Variants in GSK3B observed in about 807,000 individuals in gnomAD.
GSK3B encodes glycogen synthase kinase 3 beta, also known as glycogen synthase kinase-3 beta.
In GSK3B, 15 loss-of-function variants were observed where a neutral mutation model predicts 56.4. The ratio of observed to expected loss-of-function variants is 0.27; its 90% CI spans 0.18 to 0.41. The LOEUF is 0.41. GSK3B is among the 10% of genes least tolerant of loss of function. The probability of loss-of-function intolerance (pLI) is 1.00; values close to 1 mark genes in which losing one functional copy is unlikely to be tolerated. For synonymous variants in GSK3B, 181 were observed against 188.9 expected (o/e 0.96, Z 0.34); for missense variants, 300 against 513.4 (o/e 0.58, Z 4.02).
At chr3:120,029,015 C>A in intron 1 of GSK3B, 1 of 637,204 alleles carries the variant, frequency 1.6e-6, no homozygotes. Flanking sequence ...TCTTTGTATC[C>A]TATAGGGACT....
In GSK3B at chr3:119,857,002, A is replaced by G. The variant is rs568834169; in HGVS notation, c.1096+6417T>C. On this transcript the variant is annotated intron_variant, in intron 9 of 10. Coordinates refer to ENST00000264235, the MANE Select transcript of GSK3B (RefSeq NM_001146156.2). ...CATGTAAGTGATGAGTTTACCCTAC[A>G]CTATCGTCTATTAAGTGGGCAATAA... is the stretch of plus-strand genomic sequence containing the variant. Among the ~76,000 whole-genome samples, 12 of 152,302 alleles carry G rather than the reference A, an allele frequency of 7.9e-5. No individual in the cohort carries two copies. In the South Asian group the frequency reaches 2.1e-3, roughly 26 times the overall value.
intron 7 of GSK3B, among the ~76,000 whole-genome samples, chr3:119,879,241 C>T (rs1180518528): frequency 2.0e-5 from 3 of 152,090 alleles, no homozygotes; most frequent in African/African-American, 4.8e-5. Context: ...AGTGCAGTGG[C>T]GTGATCTCAG....
intron 8 of GSK3B, among the ~76,000 whole-genome samples, chr3:119,865,702 C>T (rs2056173966): frequency 1.3e-5 from 2 of 151,626 alleles, no homozygotes; most frequent in South Asian, 2.1e-4. Context: ...ATCTCCTGAC[C>T]TCATGATCCG....
chr3:119,912,383 A>T (rs1463092304), intron 6 of GSK3B, among the ~76,000 whole-genome samples: 2 of 152,116 alleles, frequency 1.3e-5, no homozygotes, highest in Non-Finnish European at 2.9e-5. Flanking sequence ...ATGTTGCAAT[A>T]ATTACCAAAA....
chr3:120,068,614 C>A (rs1245596154), intron 1 of GSK3B, among the ~76,000 whole-genome samples: 3 of 140,692 alleles, frequency 2.1e-5, no homozygotes, highest in Admixed American at 7.1e-5. Context: ...GCAGAAGAAT[C>A]ACTTGAATCC....
At position 120,024,580 on chromosome 3, in the gene GSK3B, G is replaced by A. The variant is rs144989095; in HGVS notation, c.89-22341C>T. ...CCCACTGGGTAAAGTGCCTGAATAT[G>A]TTCATCTAAGTATTTATCAAAACAA... On this transcript the variant is annotated intron_variant, in intron 1 of 10. Transcript: ENST00000264235. 1.1e-3 allele frequency among the ~76,000 whole-genome samples: 166 copies of A among 152,210 alleles called. 3 individuals are homozygous for A. Among genetic ancestry groups the A allele is most frequent in the Admixed American group, 9.2e-3 (141 of 15,286 alleles).
intron 7 of GSK3B, among the ~76,000 whole-genome samples, chr3:119,880,292 T>C (rs1457154404): frequency 1.3e-5 from 2 of 152,226 alleles, no homozygotes; most frequent in Non-Finnish European, 2.9e-5. Context: ...TATTCAGATC[T>C]TTTGTCCATT....
At chr3:119,932,534 T>C (rs2107475798) in intron 3 of GSK3B, among the ~76,000 whole-genome samples, 1 of 146,316 alleles carries the variant, frequency 6.8e-6, no homozygotes, top group Middle Eastern at 3.5e-3. Flanking sequence ...AAATAATAAA[T>C]GTGCCAGAAG....
At chr3:119,985,110 T>C (rs904164960) in intron 2 of GSK3B, among the ~76,000 whole-genome samples, 6 of 152,176 alleles carry the variant, frequency 3.9e-5, no homozygotes, top group Non-Finnish European at 7.4e-5. Flanking sequence ...TCTCAATAGA[T>C]GCAGAAAAGG....
intron 2 of GSK3B, among the ~76,000 whole-genome samples, chr3:120,000,818 T>C (rs945153576): frequency 5.5e-5 from 4 of 72,772 alleles, no homozygotes; most frequent in South Asian, 4.2e-4. Context: ...AAAGGGAAGA[T>C]AGCAAAAAAA....
At chr3:120,032,599 C>T (rs980649545) in intron 1 of GSK3B, among the ~76,000 whole-genome samples, 3 of 152,022 alleles carry the variant, frequency 2.0e-5, no homozygotes, top group Admixed American at 2.0e-4. Context: ...GGATCACTGG[C>T]GCCCAAGAGT....
chr3:119,932,592 A>G (rs922898036), intron 3 of GSK3B, among the ~76,000 whole-genome samples: 1 of 151,896 alleles, frequency 6.6e-6, no homozygotes, highest in Non-Finnish European at 1.5e-5. Flanking sequence ...GAGCTAAGCC[A>G]TGGAGAAAAA....
At chr3:119,854,210 A>C (rs1183496720) in intron 9 of GSK3B, among the ~76,000 whole-genome samples, 3 of 152,060 alleles carry the variant, frequency 2.0e-5, no homozygotes, top group Non-Finnish European at 4.4e-5. Context: ...TGTTTATATG[A>C]TGGATTATGT....
intron 2 of GSK3B, among the ~76,000 whole-genome samples, chr3:119,981,965 G>C (rs1285825729): frequency 6.6e-6 from 1 of 152,194 alleles, no homozygotes; most frequent in Non-Finnish European, 1.5e-5. Context: ...ACCTCATATA[G>C]GCAGCTGCCC....
At chr3:119,875,127 T>C (rs1367249154) in intron 8 of GSK3B, among the ~76,000 whole-genome samples, 1 of 152,134 alleles carries the variant, frequency 6.6e-6, no homozygotes, top group African/African-American at 2.4e-5. Flanking sequence ...GTTGGCCAGG[T>C]TGTAGTAAAA....
At chr3:119,979,676 T>C (rs1202619507) in intron 2 of GSK3B, among the ~76,000 whole-genome samples, 1 of 152,204 alleles carries the variant, frequency 6.6e-6, no homozygotes, top group Non-Finnish European at 1.5e-5. Flanking sequence ...GAAAAGGTTT[T>C]CCCCCAGTTA....
intron 1 of GSK3B, among the ~76,000 whole-genome samples, chr3:120,079,124 T>C (rs1265284577): frequency 6.6e-6 from 1 of 151,116 alleles, no homozygotes; most frequent in Non-Finnish European, 1.5e-5. Context: ...GTATTTTTGG[T>C]AGAGACAGGG....
chr3:119,864,232 AT>A (rs2056146885), intron 8 of GSK3B, among the ~76,000 whole-genome samples: 1 of 152,166 alleles, frequency 6.6e-6, no homozygotes, highest in Non-Finnish European at 1.5e-5. Context: ...TTGAATGAAT[AT>A]TCCAGGGTTT....
At chr3:119,832,093 A>T (rs1416279298) in intron 10 of GSK3B, among the ~76,000 whole-genome samples, 1 of 152,248 alleles carries the variant, frequency 6.6e-6, no homozygotes, top group Admixed American at 6.5e-5. Flanking sequence ...ATGGTGTGTG[A>T]CTTCCAAGGC....
Sources: gnomAD v4.1 joint callset for allele counts (sites outside exome capture counted in the v4.1 genomes callset) on GRCh38, gnomAD v4.1.1 for gene constraint, MANE v1.5 for transcripts, NCBI Gene and HGNC (gene_info 2026-07-23, HGNC 2026-07-21) for gene names.